Variants in ADGRL2 observed in about 807,000 individuals in gnomAD.
The protein encoded by ADGRL2 is adhesion G protein-coupled receptor L2.
Under a neutral mutation model 157.4 loss-of-function variants are expected in ADGRL2, and 44 were observed. The observed-to-expected ratio is 0.28, with a 90% CI of 0.22 to 0.36. ADGRL2 has a LOEUF of 0.36. Ranked by LOEUF, ADGRL2 falls within the 10% of genes least tolerant of loss-of-function variation. The pLI, the probability that ADGRL2 is intolerant of heterozygous loss-of-function variation, is 1.00. For synonymous variants in ADGRL2, 585 were observed against 624.7 expected, an observed-to-expected ratio of 0.94 and a Z score of 0.95; for missense variants, 1,510 against 1,768.9, an observed-to-expected ratio of 0.85 and a Z score of 2.63.
intron 2 of ADGRL2, among the ~76,000 whole-genome samples, chr1:81,776,678 T>C (rs984883518): frequency 6.6e-6 from 1 of 152,224 alleles, no homozygotes; most frequent in Admixed American, 6.5e-5. Flanking sequence ...GGTCATCACA[T>C]GTAAACATGC....
chr1:81,393,968 C>T (rs947719670), intron 1 of ADGRL2, among the ~76,000 whole-genome samples: 3 of 151,954 alleles, frequency 2.0e-5, no homozygotes, highest in African/African-American at 7.2e-5. Context: ...ATGATCCTAA[C>T]ACCTTTCAGG....
At chr1:81,534,171 TA>T (rs2079676161) in intron 2 of ADGRL2, among the ~76,000 whole-genome samples, 1 of 152,194 alleles carries the variant, frequency 6.6e-6, no homozygotes, top group Admixed American at 6.5e-5. Flanking sequence ...ATTTATTTTT[TA>T]TTTTTTTGAA....
intron 3 of ADGRL2, among the ~76,000 whole-genome samples, chr1:81,646,466 A>G (rs1286638842): frequency 6.6e-6 from 1 of 152,192 alleles, no homozygotes; most frequent in Non-Finnish European, 1.5e-5. Flanking sequence ...TTGCTTCTCA[A>G]ATAATCTCAA....
intron 2 of ADGRL2, among the ~76,000 whole-genome samples, chr1:81,445,345 G>C (rs1249903151): frequency 1.3e-5 from 2 of 152,194 alleles, no homozygotes; most frequent in African/African-American, 2.4e-5. Context: ...TACCTATCTA[G>C]ATTTCTTACA....
chr1:81,799,048 C>A (rs2087735519), upstream of ADGRL2, among the ~76,000 whole-genome samples: 1 of 152,090 alleles, frequency 6.6e-6, no homozygotes, highest in African/African-American at 2.4e-5. Context: ...TTTTATATTC[C>A]TAAGAAGATC....
At chr1:81,847,270 G>A (rs560436504) in intron 2 of ADGRL2, among the ~76,000 whole-genome samples, 1 of 151,994 alleles carries the variant, frequency 6.6e-6, no homozygotes, top group South Asian at 2.1e-4. Context: ...AAATCACTCA[G>A]GGATCTTGTT....
At chr1:81,718,778 G>A (rs9724784) in intron 1 of ADGRL2, among the ~76,000 whole-genome samples, 120,815 of 152,152 alleles carry the variant, frequency 0.79, 48,617 homozygotes, top group African/African-American at 0.89. Flanking sequence ...AAAGAAAAGT[G>A]TGAATTTGAG....
intron 19 of ADGRL2, among the ~76,000 whole-genome samples, chr1:81,983,702 C>T (rs1237774754): frequency 6.6e-6 from 1 of 152,040 alleles, no homozygotes; most frequent in Non-Finnish European, 1.5e-5. Flanking sequence ...AGTATAGCTG[C>T]AACAGTCCAG....
At chr1:81,631,525 CA>C (rs1337646375) in intron 3 of ADGRL2, among the ~76,000 whole-genome samples, 7 of 152,124 alleles carry the variant, frequency 4.6e-5, no homozygotes, top group Non-Finnish European at 8.8e-5. Context: ...ACACTTTGAA[CA>C]GCAAAGTCTA....
At chr1:81,839,810 C>CAT (rs1423998018) in intron 2 of ADGRL2, among the ~76,000 whole-genome samples, 18 of 139,024 alleles carry the variant, frequency 1.3e-4, no homozygotes, top group African/African-American at 3.7e-4. Flanking sequence ...TATTTTCCAT[C>CAT]ATATATATAT....
intron 3 of ADGRL2, among the ~76,000 whole-genome samples, chr1:81,627,724 T>G (rs1343482900): frequency 6.6e-6 from 1 of 152,200 alleles, no homozygotes; most frequent in Non-Finnish European, 1.5e-5. Flanking sequence ...GAGCTTGAAC[T>G]GGATCAGAAT....
chr1:81,957,866 A>G (rs1654074397), intron 11 of ADGRL2, among the ~76,000 whole-genome samples: 1 of 151,334 alleles, frequency 6.6e-6, no homozygotes, highest in South Asian at 2.1e-4. Flanking sequence ...AGAATTATCA[A>G]TATGAAAGTC....
chr1:81,318,928 CTTTTTTTTTTTTTTTTTTT>C (rs397980625), intron 1 of ADGRL2, among the ~76,000 whole-genome samples: 4 of 45,830 alleles, frequency 8.7e-5, no homozygotes, highest in African/African-American at 3.8e-4. Context: ...TCCATCAATT[CTTTTTTTTTTTTTTTTTTT>C]TTTTTTTTTT....
chr1:81,414,681 T>G (rs1186642023), intron 1 of ADGRL2, among the ~76,000 whole-genome samples: 1 of 152,204 alleles, frequency 6.6e-6, no homozygotes, highest in Admixed American at 6.5e-5. Context: ...TTGAAGGAAA[T>G]GTCTTGGACG....
rs2082036575 is a variant in ADGRL2, at chr1:81,632,712, T to C, written c.-143+51732T>C. ...AGGCGGAGCTCGCAGTGAGCCGAGA[T>C]CGTGCCACTGCACTCCAGCCTGGGC... On this transcript the variant is annotated intron_variant, in intron 3 of 24. Coordinates refer to the ADGRL2 transcript ENST00000370721. 3.3e-5 allele frequency among the ~76,000 whole-genome samples: 5 copies of C among 150,298 alleles called. No homozygotes were observed. In the South Asian group the frequency reaches 1.0e-3, roughly 32 times the overall value.
intron 1 of ADGRL2, among the ~76,000 whole-genome samples, chr1:81,807,525 G>A (rs2089314718): frequency 6.6e-6 from 1 of 151,900 alleles, no homozygotes; most frequent in African/African-American, 2.4e-5. Context: ...AGATTGGCCA[G>A]GTAGTGATTA....
At chr1:81,815,737 T>G (rs1450956600) in intron 1 of ADGRL2, among the ~76,000 whole-genome samples, 1 of 151,802 alleles carries the variant, frequency 6.6e-6, no homozygotes. Flanking sequence ...ACCTCATGTG[T>G]TTTATTTTTT....
At chr1:81,546,649 A>C (rs920725660) in intron 2 of ADGRL2, among the ~76,000 whole-genome samples, 1 of 152,194 alleles carries the variant, frequency 6.6e-6, no homozygotes, top group Non-Finnish European at 1.5e-5. Flanking sequence ...TACATTGTTG[A>C]TTCAATCTTA....
At chr1:81,421,422 A>G (rs1197791482) in intron 1 of ADGRL2, among the ~76,000 whole-genome samples, 2 of 152,200 alleles carry the variant, frequency 1.3e-5, no homozygotes, top group Non-Finnish European at 2.9e-5. Flanking sequence ...ATCGACTTGC[A>G]TTAGGCAGCA....
Sources: gnomAD v4.1 joint callset for allele counts (sites outside exome capture counted in the v4.1 genomes callset) on GRCh38, gnomAD v4.1.1 for gene constraint, MANE v1.5 for transcripts, NCBI Gene and HGNC (gene_info 2026-07-23, HGNC 2026-07-21) for gene names.